TELO2: variants seen among roughly 807,000 people sequenced by gnomAD.
TELO2 encodes telomere length regulation protein TEL2 homolog.
TELO2 carries 71 observed loss-of-function variants against 91.0 expected under a neutral mutation model. That is an observed-to-expected ratio of 0.78 (90% confidence interval 0.64 to 0.95). TELO2 has a LOEUF of 0.95. TELO2 is among the 40% of genes least tolerant of loss of function. The pLI, the probability that TELO2 is intolerant of heterozygous loss-of-function variation, is 0.00. For synonymous variants in TELO2, 584 were observed against 518.9 expected (o/e 1.13, Z -1.71); for missense variants, 1,183 against 1,141.3 (o/e 1.04, Z -0.53).
At position 1,505,926 on chromosome 16, in the gene TELO2, C is replaced by T. The variant is rs923385006; in HGVS notation, c.2035-312C>T. ...CGTCTGGAGATGTTTTTGGTTGTCACTAGGGGTGGGTTGGAGGCCACGGAG... is the reference window on the plus strand; with the variant it reads ...CGTCTGGAGATGTTTTTGGTTGTCATTAGGGGTGGGTTGGAGGCCACGGAG... On this transcript the variant is annotated intron_variant, in intron 16 of 20. Coordinates refer to ENST00000262319, the MANE Select transcript of TELO2 (RefSeq NM_016111.4). This position sits in a 1 kb window ranked among gnomAD's most constrained non-coding sequence, Gnocchi z 4.3. Among the ~76,000 whole-genome samples, 5 of 152,192 alleles carry T rather than the reference C, an allele frequency of 3.3e-5. No individual in the cohort carries two copies. The highest frequency in any genetic ancestry group is 1.2e-4 in the African/African-American group (5 of 41,452).
At chr16:1,500,320 C>T in intron 7 of TELO2, 27 bp from the exon 8 acceptor site, 6 of 1,561,316 alleles carry the variant, frequency 3.8e-6, no homozygotes, top group Non-Finnish European at 5.2e-6. Context: ...CCGAGCCCCA[C>T]ACAGTCGTGG....
chr16:1,509,946 G>T lies in TELO2; in HGVS notation c.*10G>T. 1 of 1,578,542 alleles carries T rather than the reference G, an allele frequency of 6.3e-7. No individual in the cohort carries two copies. Among genetic ancestry groups the T allele is most frequent in the Non-Finnish European group, 8.6e-7 (1 of 1,162,520 alleles). On this transcript the variant is annotated 3_prime_UTR_variant, in exon 21 of 21. Coordinates refer to ENST00000262319, the MANE Select transcript of TELO2 (RefSeq NM_016111.4). ...ACCCGCGTCTCCCTAGTCCCTGGAG[G>T]CCTCCCCAGGACCACCCTCGCCGAC...
At chr16:1,501,324 G>T in intron 9 of TELO2, 96 bp from the exon 10 acceptor site, 3 of 1,351,372 alleles carry the variant, frequency 2.2e-6, no homozygotes, top group Non-Finnish European at 2.1e-6. Flanking sequence ...ACCGGGCTGC[G>T]AGGGAGGCCA....
At chr16:1,508,229 T>C (rs1440207186) in intron 20 of TELO2, among the ~76,000 whole-genome samples, 1 of 152,060 alleles carries the variant, frequency 6.6e-6, no homozygotes, top group African/African-American at 2.4e-5. Flanking sequence ...GCCTCCTGGG[T>C]TCAAGCAATT....
Position 1,494,048 on chromosome 16 carries a change from G to A in TELO2, c.-36-198G>A, listed in dbSNP as rs1199967715. Reference sequence around the variant, plus strand: ...GGCCCGGGTTGAGAAGCCCTGCAGTGGCTGGTAGCGTTGGGGTCCGAGCGG... The same window carrying A: ...GGCCCGGGTTGAGAAGCCCTGCAGTAGCTGGTAGCGTTGGGGTCCGAGCGG... On this transcript the variant is annotated intron_variant, in intron 1 of 20. Transcript: ENST00000262319. The surrounding 1 kb of genome is among the most constrained non-coding windows in gnomAD (Gnocchi z 5.6). Among the ~76,000 whole-genome samples, 2 of 152,194 alleles carry A rather than the reference G, an allele frequency of 1.3e-5. No homozygotes were observed. The highest frequency in any genetic ancestry group is 1.3e-4 in the Admixed American group (2 of 15,284).
At chr16:1,507,400 A>G (rs780216523) in intron 19 of TELO2, 30 bp downstream of exon 19, 1 of 1,606,894 alleles carries the variant, frequency 6.2e-7, no homozygotes, top group East Asian at 2.2e-5. Flanking sequence ...GGGCCAGGCC[A>G]GGGGTGCAGG....
rs1466349703 is a variant in TELO2, at chr16:1,500,344, C to T, written c.1003-3C>T. Reference sequence around the variant, plus strand: ...ACACAGTCGTGGGCCATGCCACCTGCAGGTGCTGAAGGAGCTGTTGGAGAC... The same window carrying T: ...ACACAGTCGTGGGCCATGCCACCTGTAGGTGCTGAAGGAGCTGTTGGAGAC... On this transcript the variant is annotated splice_polypyrimidine_tract_variant and splice_region_variant and intron_variant, in intron 7 of 20. Transcript: ENST00000262319. The T allele has an allele frequency of 3.2e-6, 5 of 1,583,796 alleles. No individual in the cohort carries two copies. The African/African-American group carries it at 5.4e-5, about 17-fold the overall frequency.
rs917740862 is a variant in TELO2, at chr16:1,494,710, T to C, written c.335+94T>C. On this transcript the variant is annotated intron_variant, in intron 2 of 20. Transcript: ENST00000262319. The surrounding 1 kb of genome is among the most constrained non-coding windows in gnomAD (Gnocchi z 5.6). ...GGACCAAGAGCCTCTCTAGTCCCTG[T>C]GAGGGGCTAGAGAGAGAGCCTGCTC... 2 of 1,282,862 alleles carry C rather than the reference T, an allele frequency of 1.6e-6. No individual in the cohort carries two copies. The highest frequency in any genetic ancestry group is 2.1e-6 in the Non-Finnish European group (2 of 944,056). 79.5% of individuals were successfully genotyped at this position (1,282,862 alleles called of 1,614,324 possible).
chr16:1,503,060 G>A (rs1334369865), intron 15 of TELO2, 58 bp downstream of exon 15: 1 of 1,593,214 alleles, frequency 6.3e-7, no homozygotes, highest in African/African-American at 1.3e-5. Context: ...CTAAGGTGGG[G>A]CTGCCAAAAC....
rs1190743543 is a variant in TELO2, at chr16:1,497,160, C to A, written c.682+56C>A. 53 of 1,602,914 alleles carry A rather than the reference C, an allele frequency of 3.3e-5. No individual in the cohort carries two copies. The highest frequency in any genetic ancestry group is 4.4e-5 in the Non-Finnish European group (51 of 1,172,062). ...TGCCCCGACCCTCACAGCCCATCAG[C>A]CTTCTGCAGAAGGCCGAGAATCCCT... On this transcript the variant is annotated intron_variant, in intron 4 of 20. Transcript: ENST00000262319. This position sits in a 1 kb window ranked among gnomAD's most constrained non-coding sequence, Gnocchi z 4.0.
chr16:1,507,849 G>GGTGTGT (rs560652753), intron 20 of TELO2, 133 bp downstream of exon 20: 138 of 308,252 alleles, frequency 4.5e-4, no homozygotes, highest in Middle Eastern at 1.0e-3. Context: ...GTTGGCCCGG[G>GGTGTGT]GTGTGTGTGT....
chr16:1,496,839 A>G (rs2039509882), intron 3 of TELO2, among the ~76,000 whole-genome samples, 197 bp from the exon 4 acceptor site: 1 of 152,206 alleles, frequency 6.6e-6, no homozygotes, highest in Admixed American at 6.5e-5. Flanking sequence ...AAGGTTTGAA[A>G]GGATTGTGAT....
At position 1,510,331 on chromosome 16, in the gene TELO2, T is replaced by A; in HGVS notation, c.*395T>A. ...AGCTCTTGTCCCAGGTCCCTCGGGC[T>A]GAGCGCCGTGTCACCAGGAGAATAG... On this transcript the variant is annotated 3_prime_UTR_variant, in exon 21 of 21. Coordinates refer to ENST00000262319, the MANE Select transcript of TELO2 (RefSeq NM_016111.4). 8.1e-6 allele frequency: 2 copies of A among 247,198 alleles called. No homozygotes were observed. Among genetic ancestry groups the A allele is most frequent in the Non-Finnish European group, 1.6e-5 (2 of 125,764 alleles). 15.3% of individuals were successfully genotyped at this position (247,198 alleles called of 1,614,324 possible). A position where few individuals can be genotyped will look rare whatever the true frequency, so the allele number is the denominator to read the frequency against.
At chr16:1,495,307 G>GGGGGTTGGC (rs1274680046) in intron 2 of TELO2, 39 bp from the exon 3 acceptor site, 1 of 1,502,668 alleles carries the variant, frequency 6.7e-7, no homozygotes, top group Non-Finnish European at 9.0e-7. Flanking sequence ...CCCCGAGGAT[G>GGGGGTTGGC]GGGGTTGGCG....
chr16:1,505,552 G>T lies in TELO2; in HGVS notation c.1985G>T (p.Arg662Leu). 1 of 1,612,892 alleles carries T rather than the reference G, an allele frequency of 6.2e-7. No homozygotes were observed. The highest frequency in any genetic ancestry group is 2.2e-5 in the East Asian group (1 of 44,860). ...QPGSAVASDWRVVVEERIRSK... is the reference protein window; with the variant it reads ...QPGSAVASDWLVVVEERIRSK... ...GGCAGTGCCGTGGCGTCTGACTGGC[G>T]GGTGGTGGTGGAGGAGCGGATCAGA... is the stretch of plus-strand genomic sequence containing the variant. The change falls in exon 16 of 21, where the codon CGG becomes CTG. Residue 662 changes from arginine to leucine, a missense_variant. Coordinates refer to ENST00000262319, the MANE Select transcript of TELO2 (RefSeq NM_016111.4). This position sits in a 1 kb window ranked among gnomAD's most constrained non-coding sequence, Gnocchi z 4.3.
intron 16 of TELO2, among the ~76,000 whole-genome samples, 178 bp from the exon 17 acceptor site, chr16:1,506,060 G>A (rs545889416): frequency 6.6e-6 from 1 of 152,326 alleles, no homozygotes; most frequent in South Asian, 2.1e-4. Context: ...TGGCCGCGGA[G>A]CCTGAGTCCC....
At position 1,497,597 on chromosome 16, in the gene TELO2, C is replaced by G. The variant is rs1044712061; in HGVS notation, c.830+89C>G. 1 of 1,451,724 alleles carries G rather than the reference C, an allele frequency of 6.9e-7. No individual in the cohort carries two copies. Among genetic ancestry groups the G allele is most frequent in the Admixed American group, 2.4e-5 (1 of 41,964 alleles). The allele number at this position is 1,451,724 out of a possible 1,614,324, so 89.9% of individuals were successfully genotyped here. On this transcript the variant is annotated intron_variant, in intron 5 of 20. Transcript: ENST00000262319. This position sits in a 1 kb window ranked among gnomAD's most constrained non-coding sequence, Gnocchi z 4.0. ...ATTCCTTCACGCTACTTCTCCTGGG[C>G]GCCGTGCTGCAGCTGGCACCCCCAT...
chr16:1,504,597 G>T (rs868458285), intron 15 of TELO2, among the ~76,000 whole-genome samples: 1 of 102,098 alleles, frequency 9.8e-6, no homozygotes, highest in Non-Finnish European at 1.8e-5. Context: ...TCGCTCTGTC[G>T]CCCAGGCTGG....
intron 15 of TELO2, among the ~76,000 whole-genome samples, chr16:1,503,606 T>C (rs909704967): frequency 3.3e-5 from 5 of 152,164 alleles, no homozygotes; most frequent in Admixed American, 1.3e-4. Context: ...GAACATTTAG[T>C]TAAAGCAGCC....
Sources: allele counts gnomAD v4.1 joint callset (sites outside exome capture counted in the v4.1 genomes callset), GRCh38; gene constraint gnomAD v4.1.1; non-coding constraint Gnocchi (gnomAD v3.1); transcripts MANE v1.5; gene names NCBI Gene and HGNC (gene_info 2026-07-23, HGNC 2026-07-21).